The following GABRG3 variants were observed in gnomAD, a reference collection of about 807,000 sequenced individuals.
GABRG3 encodes the protein gamma-aminobutyric acid receptor subunit gamma-3.
In GABRG3, 25 loss-of-function variants were observed where a neutral mutation model predicts 48.8. That is an observed-to-expected ratio of 0.51 (90% CI 0.37 to 0.72). The LOEUF (loss-of-function observed/expected upper bound fraction) is 0.72, where lower values mean the gene tolerates loss of function less well. Among genes scored for constraint, GABRG3 ranks in the 30% least tolerant of loss-of-function variants. The pLI is 0.00. For missense variants in GABRG3, 394 were observed against 577.9 expected, an observed-to-expected ratio of 0.68 and a Z score of 3.26; for synonymous variants, 227 against 217.6, an observed-to-expected ratio of 1.04 and a Z score of -0.38.
At chr15:27,042,626 G>A (rs1896296691) in intron 3 of GABRG3, among the ~76,000 whole-genome samples, 1 of 152,200 alleles carries the variant, frequency 6.6e-6, no homozygotes, top group African/African-American at 2.4e-5. Flanking sequence ...CAATTCTGTG[G>A]GAGCCGCCCC....
chr15:27,024,696 TTC>T (rs1895953444), intron 2 of GABRG3, among the ~76,000 whole-genome samples: 1 of 152,312 alleles, frequency 6.6e-6, no homozygotes, highest in South Asian at 2.1e-4. Flanking sequence ...AGAGCCACTA[TTC>T]TAATGCTTCA....
At chr15:27,167,145 T>C (rs775828321) in intron 3 of GABRG3, among the ~76,000 whole-genome samples, 20 of 152,212 alleles carry the variant, frequency 1.3e-4, no homozygotes, top group Admixed American at 2.6e-4. Context: ...CTGTGCTTTG[T>C]GCCTGTTGCC....
rs970608521 is a variant in GABRG3 at position 27,385,247 on chromosome 15, G to A, written c.574+56359G>A. ...CAACCTTTTAAAACACTTTACACTC[G>A]AATTTCTCACAGCCCTGAGGCAACT... On this transcript the variant is annotated intron_variant, in intron 5 of 9. Coordinates refer to ENST00000615808, the MANE Select transcript of GABRG3 (RefSeq NM_033223.5). 1.4e-4 allele frequency among the ~76,000 whole-genome samples: 21 copies of A among 148,594 alleles called. 4 individuals carry two copies. Among genetic ancestry groups the A allele is most frequent in the African/African-American group, 5.3e-4 (21 of 39,962 alleles).
chr15:27,292,661 A>G (rs1277834364), intron 3 of GABRG3, among the ~76,000 whole-genome samples: 2 of 152,148 alleles, frequency 1.3e-5, no homozygotes, highest in African/African-American at 4.8e-5. Context: ...ATTAGCATAA[A>G]ACAAAACAAA....
chr15:27,324,546 T>C (rs1893540531), intron 3 of GABRG3, among the ~76,000 whole-genome samples: 1 of 152,208 alleles, frequency 6.6e-6, no homozygotes, highest in South Asian at 2.1e-4. Context: ...AAAGTGGGCA[T>C]TGGATAATAC....
chr15:27,021,098 C>G (rs926778156), intron 2 of GABRG3, among the ~76,000 whole-genome samples: 3 of 152,064 alleles, frequency 2.0e-5, no homozygotes, highest in African/African-American at 7.2e-5. Flanking sequence ...AATGGATATT[C>G]CAATGACACT....
At chr15:27,164,617 T>C (rs1887314499) in intron 3 of GABRG3, among the ~76,000 whole-genome samples, 1 of 152,236 alleles carries the variant, frequency 6.6e-6, no homozygotes, top group South Asian at 2.1e-4. Context: ...TTCAATTTGA[T>C]GTATTTGTCA....
intron 3 of GABRG3, among the ~76,000 whole-genome samples, chr15:27,082,111 G>A (rs184224557): frequency 1.3e-5 from 2 of 152,322 alleles, no homozygotes; most frequent in African/African-American, 4.8e-5. Context: ...TCCCTTGCCT[G>A]CTTCTGGTGG....
At chr15:26,992,524 G>T (rs902364869) in intron 2 of GABRG3, among the ~76,000 whole-genome samples, 1 of 152,120 alleles carries the variant, frequency 6.6e-6, no homozygotes, top group Non-Finnish European at 1.5e-5. Flanking sequence ...CACATTGATT[G>T]ATTTGTGTAT....
At chr15:26,997,819 T>C (rs1299800191) in intron 2 of GABRG3, among the ~76,000 whole-genome samples, 1 of 152,238 alleles carries the variant, frequency 6.6e-6, no homozygotes, top group African/African-American at 2.4e-5. Flanking sequence ...CTTGGATTTT[T>C]CCTCCTTCTA....
At chr15:26,990,905 A>G (rs536883862) in intron 2 of GABRG3, among the ~76,000 whole-genome samples, 7 of 151,390 alleles carry the variant, frequency 4.6e-5, no homozygotes, top group African/African-American at 1.5e-4. Flanking sequence ...CCTGGGTTCA[A>G]GTGATTCTTT....
intron 3 of GABRG3, among the ~76,000 whole-genome samples, chr15:27,307,476 CATAGGTTT>C (rs1220325394): frequency 1.1e-4 from 2 of 17,876 alleles, no homozygotes; most frequent in East Asian, 4.8e-4. Context: ...TATATATAAA[CATAGGTTT>C]ATAGGTTTAT....
At chr15:27,308,309 C>CATACGTTT (rs1892798241) in intron 3 of GABRG3, among the ~76,000 whole-genome samples, 1 of 124,076 alleles carries the variant, frequency 8.1e-6, no homozygotes. Context: ...ATCATATAAA[C>CATACGTTT]ATATATAAAC....
At chr15:27,476,004 A>G (rs754947557) in intron 5 of GABRG3, among the ~76,000 whole-genome samples, 1 of 152,206 alleles carries the variant, frequency 6.6e-6, no homozygotes, top group Non-Finnish European at 1.5e-5. Context: ...CCACTACATT[A>G]TAATGAACCA....
intron 5 of GABRG3, among the ~76,000 whole-genome samples, chr15:27,330,661 A>G (rs114991663): frequency 0.016 from 2,474 of 152,360 alleles, 69 homozygotes; most frequent in African/African-American, 0.055. Context: ...TGTTTTAAAA[A>G]GATTTTTATA....
At chr15:27,296,691 C>T (rs906722979) in intron 3 of GABRG3, among the ~76,000 whole-genome samples, 1 of 152,072 alleles carries the variant, frequency 6.6e-6, no homozygotes, top group African/African-American at 2.4e-5. Context: ...GGTGGTGATG[C>T]TGGTGCAAAC....
chr15:27,252,023 C>A (rs1890472705), intron 3 of GABRG3, among the ~76,000 whole-genome samples: 1 of 152,174 alleles, frequency 6.6e-6, no homozygotes. Flanking sequence ...GCAGATGTGC[C>A]CGCTGGAAAA....
At chr15:27,367,560 T>C (rs1022114272) in intron 5 of GABRG3, among the ~76,000 whole-genome samples, 2 of 152,154 alleles carry the variant, frequency 1.3e-5, no homozygotes, top group Admixed American at 6.5e-5. Flanking sequence ...GGCCATTGCA[T>C]AGCGAGAGAA....
chr15:27,280,344 C>G (rs981216490), intron 3 of GABRG3: 2 of 152,026 alleles, frequency 1.3e-5, no homozygotes, highest in Non-Finnish European at 2.9e-5. Context: ...TGTTTCCAGG[C>G]AGTCTCCTAT....
Sources: gnomAD v4.1 joint callset for allele counts (sites outside exome capture counted in the v4.1 genomes callset) on GRCh38, gnomAD v4.1.1 for gene constraint, MANE v1.5 for transcripts, NCBI Gene and HGNC (gene_info 2026-07-23, HGNC 2026-07-21) for gene names.